Variants in PTPRK observed in about 807,000 individuals in gnomAD.
PTPRK encodes protein tyrosine phosphatase receptor type K.
A neutral mutation model predicts 178.0 loss-of-function variants in PTPRK; 75 were observed. The observed-to-expected ratio is 0.42, with a 90% CI of 0.35 to 0.51. The LOEUF (loss-of-function observed/expected upper bound fraction) is 0.51, where lower values mean the gene tolerates loss of function less well. Among genes scored for constraint, PTPRK ranks in the 20% least tolerant of loss-of-function variants. The pLI, the probability that PTPRK is intolerant of heterozygous loss-of-function variation, is 0.02. For missense variants in PTPRK, 1,441 were observed against 1,797.8 expected (o/e 0.80, Z 3.59); for synonymous variants, 637 against 620.6 (o/e 1.03, Z -0.39).
At chr6:128,065,196 T>C (rs568475230) in intron 12 of PTPRK, among the ~76,000 whole-genome samples, 1 of 152,276 alleles carries the variant, frequency 6.6e-6, no homozygotes, top group Non-Finnish European at 1.5e-5. Flanking sequence ...AAGCTGAACA[T>C]TACATACTTT....
At chr6:128,323,992 A>G (rs568684317) in intron 2 of PTPRK, among the ~76,000 whole-genome samples, 1 of 152,216 alleles carries the variant, frequency 6.6e-6, no homozygotes, top group African/African-American at 2.4e-5. Flanking sequence ...ATTCTTTATT[A>G]TATTCACATT....
At chr6:127,989,907 A>AT (rs1462235777) in intron 21 of PTPRK, among the ~76,000 whole-genome samples, 2 of 151,614 alleles carry the variant, frequency 1.3e-5, no homozygotes, top group South Asian at 2.1e-4. Flanking sequence ...TACCTTTGAT[A>AT]TTTTTTTGTG....
intron 3 of PTPRK, among the ~76,000 whole-genome samples, chr6:128,266,638 A>C (rs1818996497): frequency 6.6e-6 from 1 of 152,084 alleles, no homozygotes; most frequent in Non-Finnish European, 1.5e-5. Flanking sequence ...TATAACACCA[A>C]CATGGAAGGC....
At position 128,449,614 on chromosome 6, in the gene PTPRK, T is replaced by C. The variant is rs9402041; in HGVS notation, c.101-51926A>G. The stretch of plus-strand genomic sequence containing the variant: ...CTAGGTAAAAACAATGATTTTTTTT[T>C]CCCAAGGTGCAATTTTTTAAATTGA... On this transcript the variant is annotated intron_variant, in intron 1 of 29. Transcript: ENST00000368226. Among the ~76,000 whole-genome samples the C allele has an allele frequency of 0.055, 8,326 of 152,196 alleles. 1,112 individuals carry two copies. The East Asian group carries it at 0.58, about 11-fold the overall frequency.
At chr6:128,431,270 C>G (rs1844808462) in intron 1 of PTPRK, among the ~76,000 whole-genome samples, 1 of 151,962 alleles carries the variant, frequency 6.6e-6, no homozygotes, top group Admixed American at 6.6e-5. Flanking sequence ...AATGTGTGGA[C>G]TTTGTATTGT....
At position 128,306,696 on chromosome 6, in the gene PTPRK, C is replaced by A. The variant is rs184671788; in HGVS notation, c.495+15343G>T. On this transcript the variant is annotated intron_variant, in intron 3 of 29. Coordinates refer to ENST00000368226, the MANE Select transcript of PTPRK (RefSeq NM_002844.4). ...CCTGTAGTCCCAGCCACTCGGGAGG[C>A]TGAGGCAGGGAGGATCACTTGAGCT... 4.4e-4 allele frequency among the ~76,000 whole-genome samples: 67 copies of A among 152,100 alleles called. 1 individual carries two copies. The highest frequency in any genetic ancestry group is 4.1e-3 in the Admixed American group (63 of 15,260).
At chr6:128,188,142 C>T (rs1345557397) in intron 6 of PTPRK, among the ~76,000 whole-genome samples, 1 of 152,120 alleles carries the variant, frequency 6.6e-6, no homozygotes, top group East Asian at 1.9e-4. Context: ...ATAAGATAAA[C>T]TTTGCCGATG....
chr6:128,438,553 T>C (rs780433365), intron 1 of PTPRK, among the ~76,000 whole-genome samples: 5 of 152,252 alleles, frequency 3.3e-5, no homozygotes, highest in Non-Finnish European at 7.3e-5. Context: ...CTTCTAGCTC[T>C]CTTCATCTGC....
At chr6:128,263,035 A>G (rs1322225657) in intron 3 of PTPRK, among the ~76,000 whole-genome samples, 1 of 152,040 alleles carries the variant, frequency 6.6e-6, no homozygotes, top group African/African-American at 2.4e-5. Context: ...GAAGTCCAGT[A>G]CTGATAGTGA....
At chr6:127,987,876 C>T (rs1259274545) in intron 21 of PTPRK, among the ~76,000 whole-genome samples, 1 of 152,008 alleles carries the variant, frequency 6.6e-6, no homozygotes, top group Non-Finnish European at 1.5e-5. Context: ...GTTGAATCAC[C>T]TTTATCATGT....
At chr6:128,000,585 G>A (rs1369725012) in intron 15 of PTPRK, among the ~76,000 whole-genome samples, 3 of 151,926 alleles carry the variant, frequency 2.0e-5, no homozygotes, top group African/African-American at 7.2e-5. Flanking sequence ...CATGATTCAT[G>A]AGAGTTTCCT....
intron 3 of PTPRK, among the ~76,000 whole-genome samples, chr6:128,298,671 C>G (rs574307648): frequency 7.2e-5 from 11 of 152,096 alleles, no homozygotes; most frequent in South Asian, 4.2e-4. Flanking sequence ...ATTCAATAAC[C>G]CTTCATGCTA....
At chr6:128,000,333 G>A (rs1777673340) in intron 15 of PTPRK, 2 of 1,281,362 alleles carry the variant, frequency 1.6e-6, no homozygotes, top group South Asian at 1.3e-5. Context: ...TTTTCTTCCT[G>A]GAGAAGGGAA....
chr6:128,018,869 G>A (rs1335005875), intron 13 of PTPRK, among the ~76,000 whole-genome samples: 5 of 152,168 alleles, frequency 3.3e-5, no homozygotes, highest in East Asian at 1.9e-4. Flanking sequence ...CATTTAGTAC[G>A]TATTTGTTGA....
Position 127,997,060 on chromosome 6 carries a change from C to T in PTPRK, c.2680-72G>A, listed in dbSNP as rs956386505. 6.7e-6 allele frequency: 10 copies of T among 1,482,002 alleles called. No individual in the cohort carries two copies. The South Asian group carries it at 1.2e-4, about 18-fold the overall frequency. The allele number at this position is 1,482,002 out of a possible 1,614,324, so 91.8% of individuals were successfully genotyped here. On this transcript the variant is annotated intron_variant, in intron 16 of 29. Transcript: ENST00000368226. Reference sequence around the variant, plus strand: ...AAAATCAGGTTTATCTGTTCTGAAGCCCCAAATAGTAAAAACCACTTTCTC... The same window carrying T: ...AAAATCAGGTTTATCTGTTCTGAAGTCCCAAATAGTAAAAACCACTTTCTC...
chr6:128,490,267 T>C (rs2128428720), intron 1 of PTPRK, among the ~76,000 whole-genome samples: 1 of 152,318 alleles, frequency 6.6e-6, no homozygotes, highest in South Asian at 2.1e-4. Context: ...ATTTGAAAAG[T>C]TAATTCGTGA....
chr6:128,375,058 CATT>C (rs58185524), intron 2 of PTPRK, among the ~76,000 whole-genome samples: 20,513 of 132,048 alleles, frequency 0.16, 1,609 homozygotes, highest in African/African-American at 0.23. Context: ...AGAAACACTG[CATT>C]ATTATTATTA....
chr6:128,205,777 C>CAAA (rs57003128), intron 6 of PTPRK, among the ~76,000 whole-genome samples: 397 of 15,214 alleles, frequency 0.026, 21 homozygotes, highest in African/African-American at 0.036. Flanking sequence ...CATCACAGAC[C>CAAA]AAAAAAAAAA....
chr6:128,243,488 T>TAAAAAAAAAAA (rs760606919), intron 3 of PTPRK, among the ~76,000 whole-genome samples: 40 of 59,062 alleles, frequency 6.8e-4, no homozygotes, highest in Non-Finnish European at 1.2e-3. Flanking sequence ...AGCCTGTCGC[T>TAAAAAAAAAAA]AAAAAAAAAA....
Sources: allele counts gnomAD v4.1 joint callset (sites outside exome capture counted in the v4.1 genomes callset), GRCh38; gene constraint gnomAD v4.1.1; transcripts MANE v1.5; gene names NCBI Gene and HGNC (gene_info 2026-07-23, HGNC 2026-07-21).